CFAP44: variants seen among roughly 807,000 people sequenced by gnomAD.
CFAP44 encodes cilia and flagella associated protein 44.
In CFAP44, 134 loss-of-function variants were observed where a neutral mutation model predicts 216.2. That is an observed-to-expected ratio of 0.62 (90% CI 0.54 to 0.72). The LOEUF (loss-of-function observed/expected upper bound fraction) is 0.72, where lower values mean the gene tolerates loss of function less well. Ranked by LOEUF, CFAP44 falls within the 30% of genes least tolerant of loss-of-function variation. CFAP44 has a pLI of 0.00. For synonymous variants in CFAP44, 700 were observed against 727.6 expected (o/e 0.96, Z 0.61); for missense variants, 2,035 against 2,182.1 (o/e 0.93, Z 1.34).
intron 32 of CFAP44, among the ~76,000 whole-genome samples, chr3:113,301,795 C>G (rs1949938173): frequency 6.6e-6 from 1 of 152,122 alleles, no homozygotes; most frequent in African/African-American, 2.4e-5. Context: ...TTAAAATTTA[C>G]TCTTAGCAAT....
At chr3:113,377,322 T>C (rs996986916) in intron 17 of CFAP44, among the ~76,000 whole-genome samples, 12 of 152,198 alleles carry the variant, frequency 7.9e-5, no homozygotes, top group African/African-American at 2.9e-4. Context: ...AGAGTTGTCA[T>C]ATTGTTGACT....
At chr3:113,302,962 T>C (rs750213559) in intron 32 of CFAP44, among the ~76,000 whole-genome samples, 15 of 152,010 alleles carry the variant, frequency 9.9e-5, no homozygotes, top group South Asian at 4.2e-4. Context: ...AATAAATAAA[T>C]GGCAAATATA....
intron 4 of CFAP44, among the ~76,000 whole-genome samples, chr3:113,422,143 C>G (rs1319477750): frequency 2.6e-5 from 4 of 151,990 alleles, no homozygotes; most frequent in African/African-American, 9.7e-5. Flanking sequence ...AAAACTAGAG[C>G]TGACAAAAGA....
In CFAP44 at chr3:113,396,769, T is replaced by C. The variant is rs909427653; in HGVS notation, c.1570-42A>G. 2.5e-6 allele frequency: 4 copies of C among 1,568,782 alleles called. No homozygotes were observed. The African/African-American group carries it at 4.1e-5, about 16-fold the overall frequency. On this transcript the variant is annotated intron_variant, in intron 13 of 34. Transcript: ENST00000393845. Reference sequence around the variant, plus strand: ...GATAAGGGACCTGAAACTAGTTAAATTGAGAAAGTTGTACTATATAACAGA... The same window carrying C: ...GATAAGGGACCTGAAACTAGTTAAACTGAGAAAGTTGTACTATATAACAGA...
chr3:113,305,972 T>C (rs1949981742), intron 30 of CFAP44, among the ~76,000 whole-genome samples: 1 of 152,182 alleles, frequency 6.6e-6, no homozygotes, highest in African/African-American at 2.4e-5. Flanking sequence ...TTTTTACTTA[T>C]ACAGTCATCA....
intron 24 of CFAP44, among the ~76,000 whole-genome samples, chr3:113,333,797 C>T (rs959415816): frequency 6.6e-6 from 1 of 152,070 alleles, no homozygotes; most frequent in Non-Finnish European, 1.5e-5. Flanking sequence ...ATTATATAAA[C>T]AGGAACCAAT....
intron 22 of CFAP44, among the ~76,000 whole-genome samples, chr3:113,348,680 A>C (rs1174967453): frequency 1.3e-5 from 2 of 151,726 alleles, no homozygotes; most frequent in Non-Finnish European, 2.9e-5. Flanking sequence ...GACCACAAAA[A>C]CTCCCAGGCT....
intron 2 of CFAP44, 90 bp from the exon 3 acceptor site, chr3:113,427,429 T>C: frequency 2.1e-6 from 2 of 971,642 alleles, no homozygotes; most frequent in Non-Finnish European, 3.0e-6. Flanking sequence ...CCTTGTGCTA[T>C]AGATGTAATA....
chr3:113,405,145 C>T (rs886874011), intron 8 of CFAP44, among the ~76,000 whole-genome samples: 7 of 152,088 alleles, frequency 4.6e-5, no homozygotes, highest in Admixed American at 3.9e-4. Flanking sequence ...TTTCCATTTC[C>T]CCCTTATCTA....
intron 2 of CFAP44, among the ~76,000 whole-genome samples, chr3:113,430,389 A>G (rs6778800): frequency 0.23 from 34,258 of 147,280 alleles, 5,388 homozygotes; most frequent in African/African-American, 0.44. Context: ...AAAAAAATCA[A>G]TGACCTAAAG....
intron 1 of CFAP44, among the ~76,000 whole-genome samples, chr3:113,438,983 C>A (rs924895961): frequency 2.6e-5 from 4 of 152,182 alleles, no homozygotes; most frequent in African/African-American, 4.8e-5. Context: ...TGGACACTTT[C>A]CAGAAGAGCG....
rs373982996 is a variant in CFAP44, at chr3:113,325,586, G to A, written c.4516+859C>T. On this transcript the variant is annotated intron_variant, in intron 28 of 34. Transcript: ENST00000393845. The stretch of plus-strand genomic sequence containing the variant: ...CAGCCTCCCTAGTAGCTCGGACTAC[G>A]GCATATTGTGCTTTCCATTGGAAAA... Among the ~76,000 whole-genome samples the A allele has an allele frequency of 6.0e-4, 91 of 151,740 alleles. No homozygotes were observed. In the Middle Eastern group the frequency reaches 0.017, roughly 28 times the overall value.
At chr3:113,394,851 T>C (rs1346391702) in intron 15 of CFAP44, among the ~76,000 whole-genome samples, 2 of 152,254 alleles carry the variant, frequency 1.3e-5, no homozygotes, top group African/African-American at 4.8e-5. Context: ...GTCTACACCA[T>C]TGATATTTTA....
At chr3:113,410,310 C>A (rs549297277) in intron 6 of CFAP44, among the ~76,000 whole-genome samples, 1 of 152,160 alleles carries the variant, frequency 6.6e-6, no homozygotes, top group Non-Finnish European at 1.5e-5. Context: ...TCTCCCACCC[C>A]ACGACAGGCC....
In CFAP44 at chr3:113,409,462, AT is replaced by A; in HGVS notation, c.674-141del. On this transcript the variant is annotated intron_variant, in intron 6 of 34. Transcript: ENST00000393845. ...ACCCTAAAGGAACAATTCCAAAAAC[AT>A]TCTCCATCTTTGGCTTTAGAATGAA... is the stretch of plus-strand genomic sequence containing the variant. 5 of 710,956 alleles carry A rather than the reference AT, an allele frequency of 7.0e-6. No individual in the cohort carries two copies. The South Asian group carries it at 9.7e-5, about 14-fold the overall frequency. 44.0% of individuals were successfully genotyped at this position (710,956 alleles called of 1,614,324 possible).
chr3:113,395,972 A>G (rs1933980259), intron 14 of CFAP44, 112 bp from the exon 15 acceptor site: 1 of 665,014 alleles, frequency 1.5e-6, no homozygotes, highest in Admixed American at 3.5e-5. Context: ...ATGGTCATAT[A>G]TCCCAGATTA....
chr3:113,381,599 A>T (rs1933512667), intron 15 of CFAP44, among the ~76,000 whole-genome samples: 1 of 152,214 alleles, frequency 6.6e-6, no homozygotes, highest in Admixed American at 6.5e-5. Context: ...ATTACCACTT[A>T]CATGCAATTA....
chr3:113,294,386 G>T, intron 34 of CFAP44: 1 of 350,800 alleles, frequency 2.9e-6, no homozygotes, highest in East Asian at 6.4e-5. Flanking sequence ...AACCCAGGGC[G>T]TATAATGGTG....
At position 113,366,021 on chromosome 3, in the gene CFAP44, G is replaced by A. The variant is rs1950583923; in HGVS notation, c.2715+18C>T. On this transcript the variant is annotated intron_variant, in intron 19 of 34. Transcript: ENST00000393845. Reference sequence around the variant, plus strand: ...AAATACAGTTTGTTATTAATTAACTGGTTAATTAATTACATACCCTGGGAG... The same window carrying A: ...AAATACAGTTTGTTATTAATTAACTAGTTAATTAATTACATACCCTGGGAG... 3 of 1,576,186 alleles carry A rather than the reference G, an allele frequency of 1.9e-6. No homozygotes were observed. Among genetic ancestry groups the A allele is most frequent in the East Asian group, 4.5e-5 (2 of 44,330 alleles).
Sources: gnomAD v4.1 joint callset for allele counts (sites outside exome capture counted in the v4.1 genomes callset) on GRCh38, gnomAD v4.1.1 for gene constraint, MANE v1.5 for transcripts, NCBI Gene and HGNC (gene_info 2026-07-23, HGNC 2026-07-21) for gene names.